Variants in SLIT2 observed in about 807,000 individuals in gnomAD.
SLIT2 encodes the protein slit guidance ligand 2, also known as slit homolog 2 protein.
Under a neutral mutation model 185.7 loss-of-function variants are expected in SLIT2, and 41 were observed. That is an observed-to-expected ratio of 0.22 (90% CI 0.17 to 0.29). The LOEUF (loss-of-function observed/expected upper bound fraction) is 0.29, where lower values mean the gene tolerates loss of function less well. SLIT2 is among the 10% of genes least tolerant of loss of function. The pLI is 1.00. For missense variants in SLIT2, 1,571 were observed against 1,909.0 expected, an observed-to-expected ratio of 0.82 and a Z score of 3.30; for synonymous variants, 693 against 680.2, an observed-to-expected ratio of 1.02 and a Z score of -0.29.
At chr4:20,307,405 G>A (rs926299939) in intron 4 of SLIT2, among the ~76,000 whole-genome samples, 51 of 151,606 alleles carry the variant, frequency 3.4e-4, no homozygotes, top group Non-Finnish European at 6.0e-4. Flanking sequence ...TGACACTGCA[G>A]GAGCACACCA....
chr4:20,605,499 G>C (rs999139379), intron 33 of SLIT2, among the ~76,000 whole-genome samples: 1 of 152,108 alleles, frequency 6.6e-6, no homozygotes, highest in African/African-American at 2.4e-5. Context: ...TGGTTCGCTT[G>C]TAGTTTTTGT....
chr4:20,617,769 G>A, intron 36 of SLIT2, 119 bp downstream of exon 36: 1 of 682,210 alleles, frequency 1.5e-6, no homozygotes, highest in Non-Finnish European at 2.5e-6. Flanking sequence ...CAGAGACAGA[G>A]AGAGGGGAGT....
At chr4:20,355,601 T>C (rs919990993) in intron 4 of SLIT2, among the ~76,000 whole-genome samples, 1 of 152,178 alleles carries the variant, frequency 6.6e-6, no homozygotes, top group Non-Finnish European at 1.5e-5. Flanking sequence ...CAGGTGGTCA[T>C]TGTATGAAGC....
intron 2 of SLIT2, 98 bp from the exon 3 acceptor site, chr4:20,257,770 A>G (rs993834846): frequency 2.8e-6 from 2 of 714,480 alleles, no homozygotes; most frequent in East Asian, 5.2e-5. Context: ...ATTTAACTTT[A>G]TAAAGGGAAA....
chr4:20,463,448 G>GATAGATATAGAT (rs1459962322), intron 4 of SLIT2, among the ~76,000 whole-genome samples: 1 of 67,318 alleles, frequency 1.5e-5, no homozygotes, highest in Non-Finnish European at 2.9e-5. Context: ...CTCAAACTGT[G>GATAGATATAGAT]ATATATATAT....
chr4:20,499,458 A>G (rs992664938), intron 9 of SLIT2, among the ~76,000 whole-genome samples: 3 of 152,108 alleles, frequency 2.0e-5, no homozygotes, highest in African/African-American at 7.2e-5. Context: ...TTTTGAATCC[A>G]CATATTTCAA....
chr4:20,443,643 T>C (rs1393513477), intron 4 of SLIT2, among the ~76,000 whole-genome samples: 1 of 142,946 alleles, frequency 7.0e-6, no homozygotes, highest in East Asian at 2.1e-4. Context: ...AATGGCTTTA[T>C]AACAATGATT....
intron 4 of SLIT2, among the ~76,000 whole-genome samples, chr4:20,467,105 A>T (rs973337947): frequency 6.6e-6 from 1 of 152,208 alleles, no homozygotes; most frequent in Non-Finnish European, 1.5e-5. Context: ...TGTATTTCTC[A>T]ATTAAATTAA....
chr4:20,322,649 A>T (rs547555832), intron 4 of SLIT2, among the ~76,000 whole-genome samples: 2 of 152,212 alleles, frequency 1.3e-5, no homozygotes, highest in East Asian at 3.9e-4. Context: ...ATACAATAGC[A>T]ATACTATTTA....
chr4:20,603,737 C>T (rs762325487), intron 33 of SLIT2, among the ~76,000 whole-genome samples: 1 of 152,100 alleles, frequency 6.6e-6, no homozygotes, highest in Non-Finnish European at 1.5e-5. Context: ...CCTACTGTTA[C>T]ATTTGGTTGG....
At chr4:20,392,563 A>G (rs1303290081) in intron 4 of SLIT2, among the ~76,000 whole-genome samples, 3 of 152,152 alleles carry the variant, frequency 2.0e-5, no homozygotes, top group Non-Finnish European at 2.9e-5. Flanking sequence ...CTTTTACTTT[A>G]CAAACTTTTT....
chr4:20,479,213 G>A (rs1947588), intron 5 of SLIT2, among the ~76,000 whole-genome samples: 10,159 of 152,202 alleles, frequency 0.067, 435 homozygotes, highest in Admixed American at 0.16. Flanking sequence ...TCTTATAAAT[G>A]AGATGTGTAT....
intron 29 of SLIT2, among the ~76,000 whole-genome samples, chr4:20,588,822 G>A (rs1727275615): frequency 6.6e-6 from 1 of 152,102 alleles, no homozygotes; most frequent in African/African-American, 2.4e-5. Flanking sequence ...TATGCCTTCA[G>A]CTCTCATTTG....
chr4:20,447,425 C>T (rs1454338853), intron 4 of SLIT2, among the ~76,000 whole-genome samples: 2 of 152,164 alleles, frequency 1.3e-5, no homozygotes, highest in East Asian at 1.9e-4. Context: ...GTTATAATAG[C>T]AGGAGTAGCT....
chr4:20,388,792 A>AATATAT (rs1553892031), intron 4 of SLIT2, among the ~76,000 whole-genome samples: 34 of 132,050 alleles, frequency 2.6e-4, no homozygotes, highest in Non-Finnish European at 2.8e-4. Flanking sequence ...AAAAAAAAAA[A>AATATAT]ATATATATAT....
intron 36 of SLIT2, 72 bp downstream of exon 36, chr4:20,617,722 G>A (rs1355726975): frequency 2.2e-6 from 2 of 902,500 alleles, no homozygotes; most frequent in African/African-American, 2.2e-5. Flanking sequence ...GAAAAGAGAG[G>A]GAGAAAAAGT....
chr4:20,535,062 A>C (rs1034578159), intron 18 of SLIT2, among the ~76,000 whole-genome samples: 1 of 152,066 alleles, frequency 6.6e-6, no homozygotes, highest in Non-Finnish European at 1.5e-5. Context: ...GCACTTTGGG[A>C]GGCCAAGGTG....
intron 33 of SLIT2, among the ~76,000 whole-genome samples, chr4:20,604,089 CAG>C (rs1329799981): frequency 1.3e-5 from 2 of 152,106 alleles, no homozygotes; most frequent in Non-Finnish European, 2.9e-5. Context: ...GTGCTTGGCA[CAG>C]AGTCGGCTCA....
chr4:20,472,287 G>GATATATATCTATAT (rs1560452839), intron 5 of SLIT2, among the ~76,000 whole-genome samples: 39 of 14,834 alleles, frequency 2.6e-3, no homozygotes, highest in Non-Finnish European at 3.8e-3. Flanking sequence ...TATATATATA[G>GATATATATCTATAT]ATATATAGAT....
Sources: gnomAD v4.1 joint callset for allele counts (sites outside exome capture counted in the v4.1 genomes callset) on GRCh38, gnomAD v4.1.1 for gene constraint, MANE v1.5 for transcripts, NCBI Gene and HGNC (gene_info 2026-07-23, HGNC 2026-07-21) for gene names.